The following PCTP variants were observed in gnomAD, a reference collection of about 807,000 sequenced individuals.
PCTP encodes phosphatidylcholine transfer protein.
PCTP carries 27 observed loss-of-function variants against 31.0 expected under a neutral mutation model. The observed-to-expected ratio is 0.87, with a 90% CI of 0.64 to 1.20. PCTP has a LOEUF of 1.20. Among genes scored for constraint, PCTP ranks in the 50% most tolerant of loss-of-function variants. The pLI is 0.00. For missense variants in PCTP, 287 were observed against 268.2 expected (o/e 1.07, Z -0.49); for synonymous variants, 108 against 101.2 (o/e 1.07, Z -0.40).
In PCTP at chr17:55,841,243, T is replaced by C. The variant is rs559410380; in HGVS notation, n.506-1484T>C. 8.5e-5 allele frequency among the ~76,000 whole-genome samples: 13 copies of C among 152,288 alleles called. No individual in the cohort carries two copies. In the South Asian group the frequency reaches 2.7e-3, roughly 32 times the overall value. ...AAAGTACTCTGATTATTGAAGCACT[T>C]GAGGCATTGGTACTAGACGGGTTCA... On this transcript the variant is annotated intron_variant and non_coding_transcript_variant, in intron 5 of 5. Coordinates refer to the PCTP transcript ENST00000576221.
At chr17:55,846,647 C>G (rs1002174396), downstream of PCTP, among the ~76,000 whole-genome samples, 2 of 152,066 alleles carry the variant, frequency 1.3e-5, no homozygotes, top group African/African-American at 2.4e-5. Flanking sequence ...GTGATAAACC[C>G]CCTCTTTTGG....
intron 2 of PCTP, among the ~76,000 whole-genome samples, chr17:55,785,274 C>T (rs1911706275): frequency 6.6e-6 from 1 of 152,222 alleles, no homozygotes; most frequent in Non-Finnish European, 1.5e-5. Context: ...GGCCAAGAGC[C>T]AACTAGTAGC....
chr17:55,810,812 A>G (rs554967176), intron 3 of PCTP, among the ~76,000 whole-genome samples: 6 of 152,362 alleles, frequency 3.9e-5, no homozygotes, highest in African/African-American at 1.4e-4. Context: ...CTAATGGGGC[A>G]ACACTAGGAT....
chr17:55,816,679 C>T (rs925336676), intron 3 of PCTP, among the ~76,000 whole-genome samples: 2 of 152,174 alleles, frequency 1.3e-5, no homozygotes, highest in Admixed American at 1.3e-4. Context: ...AATGATATAA[C>T]ACGGACGCCA....
chr17:55,765,752 T>G (rs754767358), intron 1 of PCTP, among the ~76,000 whole-genome samples: 1 of 152,226 alleles, frequency 6.6e-6, no homozygotes, highest in Non-Finnish European at 1.5e-5. Context: ...TCCATAGCAA[T>G]GAGAATAAAA....
At chr17:55,844,621 A>G (rs28638127), downstream of PCTP, among the ~76,000 whole-genome samples, 26,345 of 152,020 alleles carry the variant, frequency 0.17, 4,139 homozygotes, top group African/African-American at 0.43. Context: ...ATTATCATTT[A>G]GGTTCTCCCT....
downstream of PCTP, among the ~76,000 whole-genome samples, chr17:55,781,973 A>G (rs1911579830): frequency 6.6e-6 from 1 of 152,122 alleles, no homozygotes; most frequent in East Asian, 1.9e-4. Flanking sequence ...GGCTCATACA[A>G]TTATGGAGGC....
chr17:55,790,791 T>A (rs1188945035), intron 3 of PCTP, among the ~76,000 whole-genome samples: 8 of 148,638 alleles, frequency 5.4e-5, no homozygotes, highest in African/African-American at 2.1e-4. Flanking sequence ...CTTCACAGAA[T>A]TGGAAAAAAC....
chr17:55,827,644 T>C (rs941790085), downstream of PCTP, among the ~76,000 whole-genome samples: 2 of 152,178 alleles, frequency 1.3e-5, no homozygotes, highest in African/African-American at 4.8e-5. Flanking sequence ...GTCTCCAAAA[T>C]TGGAACATTC....
At chr17:55,774,048 G>A (rs1911170765) in intron 4 of PCTP, among the ~76,000 whole-genome samples, 153 bp downstream of exon 4, 1 of 152,210 alleles carries the variant, frequency 6.6e-6, no homozygotes, top group Non-Finnish European at 1.5e-5. Context: ...CACCTAGAGA[G>A]AGCCTCATTC....
At chr17:55,815,875 T>C (rs1912898835) in intron 3 of PCTP, among the ~76,000 whole-genome samples, 1 of 152,142 alleles carries the variant, frequency 6.6e-6, no homozygotes. Context: ...CTCAGAGACC[T>C]AAACAAGACC....
At chr17:55,823,051 G>T in exon 4 of PCTP, 1 of 318,112 alleles carries the variant, frequency 3.1e-6, no homozygotes, top group Non-Finnish European at 5.7e-6. Flanking sequence ...TCTATGTACT[G>T]GAAAGATAGC....
At chr17:55,819,477 T>A (rs1233894319) in intron 3 of PCTP, among the ~76,000 whole-genome samples, 1 of 152,170 alleles carries the variant, frequency 6.6e-6, no homozygotes, top group Non-Finnish European at 1.5e-5. Flanking sequence ...GTGCAGAGGC[T>A]CATGCCTGTA....
exon 4 of PCTP, chr17:55,823,030 G>A: frequency 2.8e-6 from 1 of 351,296 alleles, no homozygotes; most frequent in Middle Eastern, 7.8e-4. Context: ...TCACAGATGT[G>A]TTCACTATCA....
downstream of PCTP, among the ~76,000 whole-genome samples, chr17:55,847,498 C>T (rs1906173646): frequency 6.6e-6 from 1 of 152,196 alleles, no homozygotes; most frequent in Admixed American, 6.5e-5. Context: ...CTCTTTCTCT[C>T]TCTGTCTCCT....
chr17:55,835,948 G>C (rs147355433), intron 5 of PCTP, among the ~76,000 whole-genome samples: 139 of 152,332 alleles, frequency 9.1e-4, no homozygotes, highest in African/African-American at 3.0e-3. Context: ...AGCTAAATCT[G>C]AATCAAATGT....
At chr17:55,798,681 C>A (rs1158925533) in intron 3 of PCTP, among the ~76,000 whole-genome samples, 1 of 151,546 alleles carries the variant, frequency 6.6e-6, no homozygotes, top group Non-Finnish European at 1.5e-5. Flanking sequence ...TTAGAAAATG[C>A]AAACTGAGGG....
chr17:55,780,796 A>G (rs1911537774), downstream of PCTP, among the ~76,000 whole-genome samples: 1 of 152,284 alleles, frequency 6.6e-6, no homozygotes, highest in Middle Eastern at 3.4e-3. Context: ...AGCATAAATA[A>G]TATGTGCCAC....
At chr17:55,794,973 A>G (rs1912136762) in intron 3 of PCTP, among the ~76,000 whole-genome samples, 1 of 152,008 alleles carries the variant, frequency 6.6e-6, no homozygotes, top group Non-Finnish European at 1.5e-5. Context: ...TTATTGTGCT[A>G]TTCACAACTT....
Sources: allele counts gnomAD v4.1 joint callset (sites outside exome capture counted in the v4.1 genomes callset), GRCh38; gene constraint gnomAD v4.1.1; transcripts MANE v1.5; gene names NCBI Gene and HGNC (gene_info 2026-07-23, HGNC 2026-07-21).